KLHL7: variants seen among roughly 807,000 people sequenced by gnomAD.
KLHL7 encodes the protein kelch-like protein 7.
A neutral mutation model predicts 67.4 loss-of-function variants in KLHL7; 44 were observed. The ratio of observed to expected loss-of-function variants is 0.65; its 90% CI spans 0.51 to 0.84. The LOEUF is 0.84. KLHL7 is among the 40% of genes least tolerant of loss of function. The probability of loss-of-function intolerance (pLI) is 0.00; values close to 1 mark genes in which losing one functional copy is unlikely to be tolerated. For missense variants in KLHL7, 362 were observed against 718.1 expected, an observed-to-expected ratio of 0.50 and a Z score of 5.67; for synonymous variants, 252 against 243.3, an observed-to-expected ratio of 1.04 and a Z score of -0.33.
rs1469235254 is a variant in KLHL7, at chr7:23,152,156, A to G, written c.883A>G (p.Ile295Val). The G allele has an allele frequency of 6.2e-7, 1 of 1,613,972 alleles. No homozygotes were observed. The highest frequency in any genetic ancestry group is 2.2e-5 in the East Asian group (1 of 44,878). Residue 295 changes from isoleucine (I) to valine (V), a missense_variant, in exon 7 of 11, where the codon ATA (isoleucine) becomes GTA (valine). Physicochemically the swap from Ile to Val is conservative, Grantham distance 29 (BLOSUM62 3). Around this residue, in one of 5 missense-constraint regions of KLHL7, gnomAD observed 155 missense variants for 280.8 expected, o/e 0.55. Transcript: ENST00000339077. ...RPRRKKHDYR[I>V]ALFGGSQPQS... Reference sequence around the variant, plus strand: ...TAGAAGAAAGAAACATGACTACCGCATAGCCCTATTTGGAGGCTCTCAACC... The same window carrying G: ...TAGAAGAAAGAAACATGACTACCGCGTAGCCCTATTTGGAGGCTCTCAACC...
intron 6 of KLHL7, 152 bp from the exon 7 acceptor site, chr7:23,151,915 C>G: frequency 2.7e-6 from 2 of 727,660 alleles, no homozygotes; most frequent in Middle Eastern, 2.6e-4. Context: ...TGCATTTCTC[C>G]TGCCTCTTCC....
At chr7:23,107,421 C>G (rs947141140) in intron 1 of KLHL7, among the ~76,000 whole-genome samples, 1 of 152,162 alleles carries the variant, frequency 6.6e-6, no homozygotes. Context: ...GGCTTAAACT[C>G]GTTGAAGACT....
intron 4 of KLHL7, among the ~76,000 whole-genome samples, chr7:23,126,960 G>T (rs1399132422): frequency 6.6e-6 from 1 of 152,174 alleles, no homozygotes; most frequent in Non-Finnish European, 1.5e-5. Context: ...GTACAGCAGA[G>T]ACACTCTGGC....
At chr7:23,113,281 T>TA (rs1351361417) in intron 1 of KLHL7, among the ~76,000 whole-genome samples, 1 of 152,232 alleles carries the variant, frequency 6.6e-6, no homozygotes, top group Admixed American at 6.5e-5. Context: ...GTTATGAACT[T>TA]ACGTTGAATA....
chr7:23,151,402 C>T (rs4295546), intron 6 of KLHL7, among the ~76,000 whole-genome samples: 68,918 of 151,960 alleles, frequency 0.45, 18,071 homozygotes, highest in African/African-American at 0.73. Context: ...AGGATCATGA[C>T]AGATCACAGT....
chr7:23,171,817 C>A (rs2128470279), intron 9 of KLHL7, among the ~76,000 whole-genome samples: 1 of 152,336 alleles, frequency 6.6e-6, no homozygotes, highest in South Asian at 2.1e-4. Flanking sequence ...TCACGCCATT[C>A]TCCTGCCTCA....
At chr7:23,167,768 A>T in intron 8 of KLHL7, 68 bp from the exon 9 acceptor site, 1 of 1,380,130 alleles carries the variant, frequency 7.2e-7, no homozygotes, top group Non-Finnish European at 1.0e-6. Flanking sequence ...AATAAGATCT[A>T]CAGTCAGTTC....
At chr7:23,141,446 A>G (rs1185704521) in intron 5 of KLHL7, among the ~76,000 whole-genome samples, 1 of 152,326 alleles carries the variant, frequency 6.6e-6, no homozygotes, top group African/African-American at 2.4e-5. Flanking sequence ...GATGCTGGAA[A>G]AGGCAAGGAA....
chr7:23,127,257 T>C (rs1783608843), intron 4 of KLHL7, among the ~76,000 whole-genome samples: 1 of 152,006 alleles, frequency 6.6e-6, no homozygotes, highest in Non-Finnish European at 1.5e-5. Flanking sequence ...GAACCTGGAG[T>C]GAGTCTGTGC....
At chr7:23,118,053 A>C (rs1369687062) in intron 1 of KLHL7, 1 of 1,479,604 alleles carries the variant, frequency 6.8e-7, no homozygotes, top group Non-Finnish European at 9.3e-7. Flanking sequence ...ATGACAGCAC[A>C]TGTGATTAAA....
chr7:23,121,023 T>A (rs1430041658), intron 1 of KLHL7, among the ~76,000 whole-genome samples: 1 of 152,170 alleles, frequency 6.6e-6, no homozygotes, highest in Non-Finnish European at 1.5e-5. Flanking sequence ...GTATCTTCTG[T>A]TCTGCTTTTT....
At chr7:23,148,106 C>G (rs1162836034) in intron 6 of KLHL7, among the ~76,000 whole-genome samples, 1 of 152,112 alleles carries the variant, frequency 6.6e-6, no homozygotes, top group Non-Finnish European at 1.5e-5. Context: ...CTACTGCTTA[C>G]TAGTATGATG....
intron 9 of KLHL7, among the ~76,000 whole-genome samples, chr7:23,171,963 C>A (rs988328587): frequency 6.6e-6 from 1 of 152,262 alleles, no homozygotes; most frequent in Non-Finnish European, 1.5e-5. Context: ...CCTGCCTCGG[C>A]CTCCCAACGT....
At chr7:23,111,964 A>T (rs759049173) in intron 1 of KLHL7, among the ~76,000 whole-genome samples, 1 of 152,166 alleles carries the variant, frequency 6.6e-6, no homozygotes, top group Admixed American at 6.5e-5. Context: ...AGGTGATGAC[A>T]GTGGCAGCCA....
chr7:23,171,134 T>C, intron 9 of KLHL7: 1 of 332,026 alleles, frequency 3.0e-6, no homozygotes, highest in Non-Finnish European at 6.1e-6. Flanking sequence ...CTCCATCTCT[T>C]GACCTTGTGA....
chr7:23,165,143 T>G (rs1459582451), intron 7 of KLHL7, among the ~76,000 whole-genome samples: 1 of 152,206 alleles, frequency 6.6e-6, no homozygotes, highest in Admixed American at 6.5e-5. Flanking sequence ...AAGTATTTCC[T>G]TATAAACATC....
At chr7:23,136,130 TAGAAA>T (rs908023791) in intron 4 of KLHL7, among the ~76,000 whole-genome samples, 41 of 151,974 alleles carry the variant, frequency 2.7e-4, no homozygotes, top group African/African-American at 7.5e-4. Flanking sequence ...ACAAGTTACT[TAGAAA>T]AGAAAGAGAA....
At chr7:23,108,860 G>A (rs1312566422) in intron 1 of KLHL7, among the ~76,000 whole-genome samples, 1 of 152,202 alleles carries the variant, frequency 6.6e-6, no homozygotes, top group Non-Finnish European at 1.5e-5. Context: ...GCTGTGTGTA[G>A]CGCTACTTCA....
At chr7:23,153,507 G>C (rs1414442274) in intron 7 of KLHL7, among the ~76,000 whole-genome samples, 2 of 152,194 alleles carry the variant, frequency 1.3e-5, no homozygotes, top group Non-Finnish European at 1.5e-5. Context: ...TGGCTAGGCA[G>C]GTCAGGTAAA....
Sources: gnomAD v4.1 joint callset for allele counts (sites outside exome capture counted in the v4.1 genomes callset) on GRCh38, gnomAD v4.1.1 for gene constraint, gnomAD v4.1.1 regional missense constraint, MANE v1.5 for transcripts, NCBI Gene and HGNC (gene_info 2026-07-23, HGNC 2026-07-21) for gene names.